NUDT4: variants seen among roughly 807,000 people sequenced by gnomAD.
NUDT4 encodes the protein diphosphoinositol polyphosphate phosphohydrolase 2.
NUDT4 carries 5 observed loss-of-function variants against 23.1 expected under a neutral mutation model. The observed-to-expected ratio is 0.22, with a 90% CI of 0.11 to 0.46. NUDT4 has a LOEUF of 0.46. Among genes scored for constraint, NUDT4 ranks in the 20% least tolerant of loss-of-function variants. The pLI, the probability that NUDT4 is intolerant of heterozygous loss-of-function variation, is 0.99. For missense variants in NUDT4, 96 were observed against 211.6 expected (o/e 0.45, Z 3.39); for synonymous variants, 50 against 79.0 (o/e 0.63, Z 1.95).
rs531105794 is a variant in NUDT4 at position 93,404,336 on chromosome 12, G to A, written c.*4957G>A. 8 of 152,258 alleles carry A rather than the reference G, an allele frequency of 5.3e-5. No individual in the cohort carries two copies. The East Asian group carries it at 1.2e-3, about 22-fold the overall frequency. The allele number at this position is 152,258 out of a possible 1,614,324, so 9.4% of individuals were successfully genotyped here. On this transcript the variant is annotated 3_prime_UTR_variant, in exon 5 of 5. Transcript: ENST00000415493. ...TGGTTAACTTGCAATATATCCATAT[G>A]GTGTAATATTACAGTCATTAGAAAT...
At chr12:93,391,709 C>T (rs189429208) in intron 1 of NUDT4, among the ~76,000 whole-genome samples, 4 of 152,172 alleles carry the variant, frequency 2.6e-5, no homozygotes, top group African/African-American at 7.2e-5. Context: ...TGCACTCCAA[C>T]GTGGATGTCC....
intron 1 of NUDT4, among the ~76,000 whole-genome samples, chr12:93,387,057 G>T (rs140521584): frequency 6.6e-6 from 1 of 151,752 alleles, no homozygotes; most frequent in East Asian, 1.9e-4. Context: ...TCAGCCTCCC[G>T]AGTAGCTGGG....
At position 93,406,790 on chromosome 12, in the gene NUDT4, G is replaced by A. The variant is rs117777833; in HGVS notation, c.*7411G>A. 3.9e-5 allele frequency: 6 copies of A among 152,112 alleles called. No homozygotes were observed. Among genetic ancestry groups the A allele is most frequent in the Non-Finnish European group, 5.9e-5 (4 of 68,024 alleles). The allele number at this position is 152,112 out of a possible 1,614,324, so 9.4% of individuals were successfully genotyped here. A position where few individuals can be genotyped will look rare whatever the true frequency, so the allele number is the denominator to read the frequency against. ...CAACATCATTTTATTCCAGAGACTT[G>A]AGCATCTGCGAATTTGGATATCCAA... On this transcript the variant is annotated 3_prime_UTR_variant, in exon 5 of 5. Transcript: ENST00000415493.
rs34651915 is a variant in NUDT4, at chr12:93,398,338, C to CAAAAAA, written c.256-417_256-412dup. On this transcript the variant is annotated intron_variant, in intron 3 of 4. Transcript: ENST00000415493. ...GGCAACAAAGCGAGACTCCCTGTCT[C>CAAAAAA]AAAAAAAAAAAAAAAAAAAAAGAAA... Among the ~76,000 whole-genome samples the CAAAAAA allele has an allele frequency of 1.3e-3, 95 of 74,916 alleles. 1 individual carries two copies. The highest frequency in any genetic ancestry group is 2.1e-3 in the East Asian group (6 of 2,858). 49.1% of individuals were successfully genotyped at this position (74,916 alleles called of 152,430 possible). A position where few individuals can be genotyped will look rare whatever the true frequency, so the allele number is the denominator to read the frequency against.
chr12:93,383,658 C>T (rs1875852688), intron 1 of NUDT4, among the ~76,000 whole-genome samples: 1 of 152,168 alleles, frequency 6.6e-6, no homozygotes, highest in African/African-American at 2.4e-5. Flanking sequence ...ATGGCAAAAC[C>T]TCGTCTCTAC....
intron 1 of NUDT4, 51 bp downstream of exon 1, chr12:93,378,472 C>T: frequency 4.8e-6 from 7 of 1,468,682 alleles, no homozygotes; most frequent in Non-Finnish European, 6.4e-6. Flanking sequence ...GGGTCTAGGG[C>T]CCGGGTGCTT....
At chr12:93,392,896 G>T (rs1876656523) in intron 1 of NUDT4, among the ~76,000 whole-genome samples, 1 of 134,450 alleles carries the variant, frequency 7.4e-6, no homozygotes, top group African/African-American at 2.7e-5. Flanking sequence ...GTCCAGGCTG[G>T]TGTGGAACTC....
At position 93,405,875 on chromosome 12, in the gene NUDT4, C is replaced by T. The variant is rs1011830398; in HGVS notation, c.*6496C>T. 1 of 152,124 alleles carries T rather than the reference C, an allele frequency of 6.6e-6. No homozygotes were observed. Among genetic ancestry groups the T allele is most frequent in the Non-Finnish European group, 1.5e-5 (1 of 68,012 alleles). The allele number at this position is 152,124 out of a possible 1,614,324, so 9.4% of individuals were successfully genotyped here. On this transcript the variant is annotated 3_prime_UTR_variant, in exon 5 of 5. Coordinates refer to ENST00000415493, the MANE Select transcript of NUDT4 (RefSeq NM_019094.6). The stretch of plus-strand genomic sequence containing the variant: ...TATTCGAATGAAATATTACATTTTT[C>T]TTAAATAAAGCAATAAATTAGGTAC...
chr12:93,392,725 G>A (rs924523139), intron 1 of NUDT4, among the ~76,000 whole-genome samples: 8 of 107,276 alleles, frequency 7.5e-5, no homozygotes, highest in African/African-American at 1.1e-4. Flanking sequence ...AGGCTGGAGT[G>A]CAGTGGTGCA....
chr12:93,386,800 G>A (rs1291965416), intron 1 of NUDT4, among the ~76,000 whole-genome samples: 1 of 151,900 alleles, frequency 6.6e-6, no homozygotes, highest in Non-Finnish European at 1.5e-5. Context: ...ATTTGTATTA[G>A]CAGATATGTC....
intron 3 of NUDT4, among the ~76,000 whole-genome samples, chr12:93,396,506 C>G (rs1876943492): frequency 6.6e-6 from 1 of 152,084 alleles, no homozygotes; most frequent in South Asian, 2.1e-4. Context: ...GTTAGTACAG[C>G]CTTTATAGTA....
In NUDT4 at chr12:93,386,240, C is replaced by T. The variant is rs116523060; in HGVS notation, c.99+7819C>T. Among the ~76,000 whole-genome samples the T allele has an allele frequency of 5.9e-3, 894 of 151,898 alleles. 7 individuals are homozygous for T. The highest frequency in any genetic ancestry group is 0.02 in the African/African-American group (828 of 41,454). ...CGCCTGCCTTGGCTTCCCAAAGCAC[C>T]GGGATTACGGGTGTGAGCCATTGTG... On this transcript the variant is annotated intron_variant, in intron 1 of 4. Transcript: ENST00000415493.
intron 3 of NUDT4, among the ~76,000 whole-genome samples, chr12:93,398,339 A>C (rs1388530037): frequency 6.7e-3 from 337 of 50,584 alleles, no homozygotes; most frequent in African/African-American, 0.017. Flanking sequence ...TCCCTGTCTC[A>C]AAAAAAAAAA....
chr12:93,399,072 A>C, intron 4 of NUDT4, 105 bp from the exon 5 acceptor site: 1 of 820,568 alleles, frequency 1.2e-6, no homozygotes. Flanking sequence ...TTATTCCCCA[A>C]CATATTGTTG....
At position 93,404,795 on chromosome 12, in the gene NUDT4, A is replaced by G. The variant is rs1877709610; in HGVS notation, c.*5416A>G. The G allele has an allele frequency of 6.6e-6, 1 of 152,206 alleles. No individual in the cohort carries two copies. 9.4% of individuals were successfully genotyped at this position (152,206 alleles called of 1,614,324 possible). A position where few individuals can be genotyped will look rare whatever the true frequency, so the allele number is the denominator to read the frequency against. The stretch of plus-strand genomic sequence containing the variant: ...TTTAAACGCCTGTATGGTTTAAAAA[A>G]TGTTTTGGGAAATAGACATGAGCAG... On this transcript the variant is annotated 3_prime_UTR_variant, in exon 5 of 5. Transcript: ENST00000415493.
intron 1 of NUDT4, among the ~76,000 whole-genome samples, chr12:93,380,783 G>T (rs920398500): frequency 6.6e-6 from 1 of 152,194 alleles, no homozygotes; most frequent in Non-Finnish European, 1.5e-5. Flanking sequence ...TGTTGAAATT[G>T]CATTGCCAGA....
intron 1 of NUDT4, among the ~76,000 whole-genome samples, chr12:93,384,223 A>G (rs1408583026): frequency 6.6e-6 from 1 of 151,632 alleles, no homozygotes; most frequent in Non-Finnish European, 1.5e-5. Flanking sequence ...GCTGGAGTGC[A>G]GTGGTGCAAT....
Position 93,402,721 on chromosome 12 carries a change from G to T in NUDT4, c.*3342G>T, listed in dbSNP as rs1392498569. 2 of 152,136 alleles carry T rather than the reference G, an allele frequency of 1.3e-5. No homozygotes were observed. Among genetic ancestry groups the T allele is most frequent in the Non-Finnish European group, 2.9e-5 (2 of 68,034 alleles). The allele number at this position is 152,136 out of a possible 1,614,324, so 9.4% of individuals were successfully genotyped here. A position where few individuals can be genotyped will look rare whatever the true frequency, so the allele number is the denominator to read the frequency against. ...CTGTTCTCCCCACCCCCGTGGAGTT[G>T]TGTCATTATTTTAATGAATGTGAGC... On this transcript the variant is annotated 3_prime_UTR_variant, in exon 5 of 5. Coordinates refer to ENST00000415493, the MANE Select transcript of NUDT4 (RefSeq NM_019094.6).
At chr12:93,388,972 A>T (rs574839556) in intron 1 of NUDT4, among the ~76,000 whole-genome samples, 4 of 152,358 alleles carry the variant, frequency 2.6e-5, no homozygotes, top group African/African-American at 7.2e-5. Context: ...ATTAATTGGC[A>T]GATCAAGGGC....
Sources: gnomAD v4.1 joint callset for allele counts (sites outside exome capture counted in the v4.1 genomes callset) on GRCh38, gnomAD v4.1.1 for gene constraint, MANE v1.5 for transcripts, NCBI Gene and HGNC (gene_info 2026-07-23, HGNC 2026-07-21) for gene names.